Variants in MPPED2 observed in about 807,000 individuals in gnomAD.
MPPED2 encodes the protein metallophosphoesterase MPPED2.
In MPPED2, 5 loss-of-function variants were observed where a neutral mutation model predicts 33.0. The observed-to-expected ratio is 0.15, with a 90% CI of 0.08 to 0.32. MPPED2 has a LOEUF of 0.32. MPPED2 is among the 10% of genes least tolerant of loss of function. The probability of loss-of-function intolerance (pLI) is 1.00; values close to 1 mark genes in which losing one functional copy is unlikely to be tolerated. For missense variants in MPPED2, 275 were observed against 372.1 expected, an observed-to-expected ratio of 0.74 and a Z score of 2.15; for synonymous variants, 136 against 141.9, an observed-to-expected ratio of 0.96 and a Z score of 0.29.
chr11:30,453,408 G>A (rs192062245), intron 4 of MPPED2, among the ~76,000 whole-genome samples: 20 of 152,222 alleles, frequency 1.3e-4, no homozygotes, highest in Middle Eastern at 6.8e-3. Flanking sequence ...CTTTCCAGGA[G>A]CCCTAGCAAA....
intron 6 of MPPED2, among the ~76,000 whole-genome samples, chr11:30,413,610 C>T (rs1024658964): frequency 6.6e-6 from 1 of 152,174 alleles, no homozygotes; most frequent in South Asian, 2.1e-4. Context: ...AATTATTCTG[C>T]TTAACCTCAG....
intron 3 of MPPED2, among the ~76,000 whole-genome samples, chr11:30,508,067 CTG>C (rs761181218): frequency 4.6e-5 from 7 of 152,158 alleles, no homozygotes; most frequent in African/African-American, 1.2e-4. Context: ...CTTCCTAAAT[CTG>C]TGTTTTCTCC....
chr11:30,410,093 G>T, downstream of MPPED2: 1 of 984,086 alleles, frequency 1.0e-6, no homozygotes, highest in Non-Finnish European at 1.2e-6. Context: ...AAAATTTATT[G>T]AAAATTAGGG....
At chr11:30,490,666 C>A (rs773286482) in intron 4 of MPPED2, among the ~76,000 whole-genome samples, 1 of 152,012 alleles carries the variant, frequency 6.6e-6, no homozygotes, top group Non-Finnish European at 1.5e-5. Flanking sequence ...CAGAACATTA[C>A]GGTTGCAAAC....
At chr11:30,551,322 G>A (rs1031015692) in intron 2 of MPPED2, among the ~76,000 whole-genome samples, 1 of 152,088 alleles carries the variant, frequency 6.6e-6, no homozygotes, top group Non-Finnish European at 1.5e-5. Context: ...AGAAATACTG[G>A]ACTTACAAGG....
At chr11:30,424,468 G>A (rs903931510) in intron 4 of MPPED2, among the ~76,000 whole-genome samples, 8 of 152,088 alleles carry the variant, frequency 5.3e-5, no homozygotes, top group East Asian at 1.9e-4. Context: ...TTTAACCACC[G>A]CTGGTTAAAA....
intron 4 of MPPED2, among the ~76,000 whole-genome samples, chr11:30,455,458 G>A (rs1311434809): frequency 6.6e-6 from 1 of 152,188 alleles, no homozygotes; most frequent in Non-Finnish European, 1.5e-5. Flanking sequence ...AAAAAAGGCT[G>A]CCTTCTGGAG....
At chr11:30,574,249 C>A (rs1232350852) in intron 2 of MPPED2, among the ~76,000 whole-genome samples, 2 of 152,000 alleles carry the variant, frequency 1.3e-5, no homozygotes, top group South Asian at 4.2e-4. Flanking sequence ...TATACTCTAC[C>A]TTTCTTATAC....
chr11:30,570,555 C>A (rs1956645123), intron 2 of MPPED2, among the ~76,000 whole-genome samples: 1 of 152,088 alleles, frequency 6.6e-6, no homozygotes, highest in African/African-American at 2.4e-5. Flanking sequence ...CGGTGGTTAT[C>A]TTTGAAGTCT....
rs1434366111 is a variant in MPPED2, at chr11:30,534,968, GC to G, written c.310+1025del. Among the ~76,000 whole-genome samples, 5 of 152,196 alleles carry G rather than the reference GC, an allele frequency of 3.3e-5. No homozygotes were observed. In the East Asian group the frequency reaches 9.6e-4, roughly 29 times the overall value. On this transcript the variant is annotated intron_variant, in intron 3 of 6. Transcript: ENST00000358117. The stretch of plus-strand genomic sequence containing the variant: ...CAATAAATACTATTAAATGAAAACA[GC>G]CAAAAGTCAAAAAGCAGATATGTAC...
chr11:30,432,652 A>T (rs983504446), intron 4 of MPPED2, among the ~76,000 whole-genome samples: 1 of 152,226 alleles, frequency 6.6e-6, no homozygotes, highest in African/African-American at 2.4e-5. Flanking sequence ...AATACAACTT[A>T]GTGATGCTAT....
chr11:30,445,967 C>T (rs1949788274), intron 4 of MPPED2, among the ~76,000 whole-genome samples: 1 of 152,198 alleles, frequency 6.6e-6, no homozygotes, highest in African/African-American at 2.4e-5. Flanking sequence ...CTACTCTCTT[C>T]CCTAGTGTCA....
intron 2 of MPPED2, among the ~76,000 whole-genome samples, chr11:30,576,865 T>C (rs1347139911): frequency 6.6e-6 from 1 of 151,338 alleles, no homozygotes; most frequent in East Asian, 1.9e-4. Flanking sequence ...CCCAAGGTCA[T>C]ACAGGATTGC....
chr11:30,562,558 A>T (rs1243621403), intron 2 of MPPED2, among the ~76,000 whole-genome samples: 2 of 152,164 alleles, frequency 1.3e-5, no homozygotes, highest in Non-Finnish European at 2.9e-5. Flanking sequence ...CAGACGCCCA[A>T]AAAATCTTAT....
At chr11:30,529,993 A>C in intron 3 of MPPED2, among the ~76,000 whole-genome samples, 1 of 152,228 alleles carries the variant, frequency 6.6e-6, no homozygotes, top group Admixed American at 6.5e-5. Context: ...GCCATAATTG[A>C]AAGGCCATAA....
In MPPED2 at chr11:30,509,428, T is replaced by C. The variant is rs1953020418; in HGVS notation, c.311-13907A>G. 3.9e-5 allele frequency among the ~76,000 whole-genome samples: 6 copies of C among 152,182 alleles called. No homozygotes were observed. The South Asian group carries it at 1.2e-3, about 32-fold the overall frequency. Reference sequence around the variant, plus strand: ...TCAGAGGAGTAATCAATAGATGGAGTTAATGGAATAGTCATTCATTATTTG... The same window carrying C: ...TCAGAGGAGTAATCAATAGATGGAGCTAATGGAATAGTCATTCATTATTTG... On this transcript the variant is annotated intron_variant, in intron 3 of 6. Coordinates refer to ENST00000358117, the MANE Select transcript of MPPED2 (RefSeq NM_001584.3).
chr11:30,429,719 A>T (rs1948996056), intron 4 of MPPED2, among the ~76,000 whole-genome samples: 1 of 152,138 alleles, frequency 6.6e-6, no homozygotes, highest in Admixed American at 6.5e-5. Context: ...GGATAACAAG[A>T]TCATCACAGG....
intron 4 of MPPED2, among the ~76,000 whole-genome samples, chr11:30,485,255 G>A (rs1002986575): frequency 6.6e-6 from 1 of 152,120 alleles, no homozygotes; most frequent in Non-Finnish European, 1.5e-5. Flanking sequence ...TCCCAAATGA[G>A]GGTAATATTT....
At chr11:30,438,573 G>A (rs940648482) in intron 4 of MPPED2, among the ~76,000 whole-genome samples, 8 of 152,150 alleles carry the variant, frequency 5.3e-5, no homozygotes, top group African/African-American at 1.7e-4. Context: ...AAATAGGCGG[G>A]GCCAGGGGGC....
Sources: gnomAD v4.1 joint callset for allele counts (sites outside exome capture counted in the v4.1 genomes callset) on GRCh38, gnomAD v4.1.1 for gene constraint, MANE v1.5 for transcripts, NCBI Gene and HGNC (gene_info 2026-07-23, HGNC 2026-07-21) for gene names.